Variants in RBM19 observed in about 807,000 individuals in gnomAD.
RBM19 encodes the protein RNA binding motif protein 19, also known as probable RNA-binding protein 19.
RBM19 carries 94 observed loss-of-function variants against 116.8 expected under a neutral mutation model. That is an observed-to-expected ratio of 0.80 (90% confidence interval 0.68 to 0.95). The LOEUF is 0.95. Ranked by LOEUF, RBM19 falls within the 40% of genes least tolerant of loss-of-function variation. The pLI is 0.00. For synonymous variants in RBM19, 475 were observed against 494.1 expected, an observed-to-expected ratio of 0.96 and a Z score of 0.51; for missense variants, 1,161 against 1,220.7, an observed-to-expected ratio of 0.95 and a Z score of 0.73.
At chr12:113,845,063 G>A (rs994307555) in intron 22 of RBM19, among the ~76,000 whole-genome samples, 8 of 152,180 alleles carry the variant, frequency 5.3e-5, no homozygotes, top group African/African-American at 1.9e-4. Flanking sequence ...CCGTCTATTT[G>A]CCGTGTGTCA....
chr12:113,942,691 C>G lies in RBM19; in HGVS notation c.1627-257G>C, dbSNP rs551128547. 4.6e-5 allele frequency among the ~76,000 whole-genome samples: 7 copies of G among 151,692 alleles called. No individual in the cohort carries two copies. The South Asian group carries it at 1.5e-3, about 32-fold the overall frequency. ...GTGGTGTGATCATGGCTCACTGCAG[C>G]CTCAATCTCCCAGACTCATGCAATC... is the stretch of plus-strand genomic sequence containing the variant. On this transcript the variant is annotated intron_variant, in intron 13 of 23. Transcript: ENST00000261741.
rs562713359 is a variant in RBM19 at position 113,871,169 on chromosome 12, C to G, written c.2559-12273G>C. Among the ~76,000 whole-genome samples the G allele has an allele frequency of 2.6e-5, 4 of 152,366 alleles. No individual in the cohort carries two copies. In the South Asian group the frequency reaches 8.3e-4, roughly 32 times the overall value. On this transcript the variant is annotated intron_variant, in intron 21 of 23. Transcript: ENST00000261741. ...AGATGTTGTCACGCACTCCTCAAGA[C>G]TCCAGAGAAGCCAAAATAAAGAAAA... is the stretch of plus-strand genomic sequence containing the variant.
At chr12:113,924,580 A>T in intron 18 of RBM19, 117 bp downstream of exon 18, 1 of 897,900 alleles carries the variant, frequency 1.1e-6, no homozygotes, top group Non-Finnish European at 1.9e-6. Context: ...AAAAAAGAGA[A>T]CCTTCAAAAT....
chr12:113,840,903 C>G (rs1358858264), intron 23 of RBM19, among the ~76,000 whole-genome samples: 1 of 152,214 alleles, frequency 6.6e-6, no homozygotes, highest in Non-Finnish European at 1.5e-5. Flanking sequence ...CTGCCTATAC[C>G]CCCGTAAGCT....
chr12:113,847,473 C>T (rs530876946), intron 22 of RBM19, among the ~76,000 whole-genome samples: 2 of 152,014 alleles, frequency 1.3e-5, no homozygotes, highest in East Asian at 1.9e-4. Context: ...AAAACACACG[C>T]GTTCTCAGCT....
At chr12:113,850,098 G>A (rs188527200) in intron 22 of RBM19, among the ~76,000 whole-genome samples, 274 of 152,312 alleles carry the variant, frequency 1.8e-3, no homozygotes, top group Non-Finnish European at 2.9e-3. Flanking sequence ...TGGGGGCTTC[G>A]CCATCCCTGG....
chr12:113,854,811 G>A (rs1877757189), intron 22 of RBM19, among the ~76,000 whole-genome samples: 1 of 152,206 alleles, frequency 6.6e-6, no homozygotes, highest in Non-Finnish European at 1.5e-5. Flanking sequence ...CTGGAGTTTA[G>A]CAAATGCTCA....
At chr12:113,859,440 G>C (rs144517304) in intron 21 of RBM19, among the ~76,000 whole-genome samples, 58 of 152,278 alleles carry the variant, frequency 3.8e-4, no homozygotes, top group Non-Finnish European at 6.8e-4. Context: ...TTTCTTCAGC[G>C]CTCAAATGAT....
At chr12:113,899,177 C>T (rs527983629) in intron 21 of RBM19, among the ~76,000 whole-genome samples, 1 of 152,316 alleles carries the variant, frequency 6.6e-6, no homozygotes, top group East Asian at 1.9e-4. Flanking sequence ...GTTGGGAATT[C>T]CCTTACTTCA....
downstream of RBM19, chr12:113,817,863 G>A (rs1355285750): frequency 6.6e-6 from 1 of 152,282 alleles, no homozygotes; most frequent in Non-Finnish European, 1.5e-5. Context: ...GGGAGAACAA[G>A]GTGGGTGGAT....
intron 17 of RBM19, among the ~76,000 whole-genome samples, chr12:113,925,746 C>T (rs896843038): frequency 6.6e-6 from 1 of 152,212 alleles, no homozygotes; most frequent in Non-Finnish European, 1.5e-5. Context: ...TGACTTCCAG[C>T]TCCAGAATCC....
chr12:113,936,860 A>C (rs1235537198), intron 16 of RBM19, 147 bp downstream of exon 16: 3 of 1,077,630 alleles, frequency 2.8e-6, no homozygotes, highest in Non-Finnish European at 3.9e-6. Context: ...ATGCCCATAA[A>C]ATCTGAGAGT....
chr12:113,966,310 C>T lies in RBM19; in HGVS notation c.-83G>A. ...TTTCACGCTACCGCCCTGGGCGCCG[C>T]CATCTTTACCGAGCCGGAACACAGT... On this transcript the variant is annotated 5_prime_UTR_variant, in exon 1 of 24. Coordinates refer to ENST00000261741, the MANE Select transcript of RBM19 (RefSeq NM_016196.4). 1 of 1,561,734 alleles carries T rather than the reference C, an allele frequency of 6.4e-7. No individual in the cohort carries two copies.
chr12:113,955,464 G>T lies in RBM19; in HGVS notation c.841-253C>A, dbSNP rs535832457. 3.3e-5 allele frequency among the ~76,000 whole-genome samples: 5 copies of T among 152,238 alleles called. No homozygotes were observed. In the South Asian group the frequency reaches 1.0e-3, roughly 32 times the overall value. On this transcript the variant is annotated intron_variant, in intron 6 of 23. Transcript: ENST00000261741. ...GGCAAGCTATGGGCACCTGGACAGG[G>T]ACCCTGGGGCTACAAGGAGGGGCAG...
chr12:113,902,426 T>C (rs906352094), intron 21 of RBM19, among the ~76,000 whole-genome samples: 49 of 152,016 alleles, frequency 3.2e-4, no homozygotes, highest in African/African-American at 1.1e-3. Context: ...TAGCAAGCCC[T>C]GTCTCTACAA....
intron 21 of RBM19, among the ~76,000 whole-genome samples, chr12:113,866,788 C>T (rs1233255243): frequency 6.6e-6 from 1 of 152,190 alleles, no homozygotes; most frequent in African/African-American, 2.4e-5. Context: ...AGCTAGATAG[C>T]CAGGTGGACA....
chr12:113,885,752 A>G (rs1880470876), intron 21 of RBM19, among the ~76,000 whole-genome samples: 1 of 152,184 alleles, frequency 6.6e-6, no homozygotes, highest in Non-Finnish European at 1.5e-5. Flanking sequence ...AATATGAGTG[A>G]AGGGTATCTG....
intron 16 of RBM19, chr12:113,932,762 A>G (rs1236784091): frequency 6.6e-5 from 10 of 152,302 alleles, no homozygotes; most frequent in African/African-American, 2.4e-4. Flanking sequence ...GTTTGCCAAC[A>G]AAAACACCAG....
Position 113,823,260 on chromosome 12 carries a change from A to T in RBM19, c.2847T>A (p.Ser949Arg). ...LDEILEQLEG[S>R]DSDSEEQTLQ... ...GGGTCTGCTCCTCGCTGTCGCTGTC[A>T]CTGCCTTCCAGCTGCTCCAGGATCT... is the stretch of plus-strand genomic sequence containing the variant. The change falls in exon 24 of 24, where the codon AGT becomes AGA. Residue 949 changes from serine (S) to arginine (R), a missense_variant. Transcript: ENST00000261741. 6.2e-7 allele frequency: 1 copy of T among 1,612,740 alleles called. No individual in the cohort carries two copies. Among genetic ancestry groups the T allele is most frequent in the South Asian group, 1.1e-5 (1 of 91,080 alleles).
Sources: gnomAD v4.1 joint callset for allele counts (sites outside exome capture counted in the v4.1 genomes callset) on GRCh38, gnomAD v4.1.1 for gene constraint, MANE v1.5 for transcripts, NCBI Gene and HGNC (gene_info 2026-07-23, HGNC 2026-07-21) for gene names.